EOGT: variants seen among roughly 807,000 people sequenced by gnomAD.
The protein encoded by EOGT is EGF domain specific O-linked N-acetylglucosamine transferase.
In EOGT, 55 loss-of-function variants were observed where a neutral mutation model predicts 70.5. The ratio of observed to expected loss-of-function variants is 0.78; its 90% CI spans 0.63 to 0.98. The LOEUF is 0.98. Ranked by LOEUF, EOGT falls within the 50% of genes least tolerant of loss-of-function variation. The pLI is 0.00. For missense variants in EOGT, 703 were observed against 641.9 expected (o/e 1.10, Z -1.03); for synonymous variants, 246 against 217.1 (o/e 1.13, Z -1.17).
chr3:69,011,193 C>CTTTTTTTTTTTTTTTTTTTTTTT (rs57904466), intron 3 of EOGT, among the ~76,000 whole-genome samples: 2 of 113,298 alleles, frequency 1.8e-5, no homozygotes, highest in Non-Finnish European at 1.7e-5. Context: ...GATCTTTGTT[C>CTTTTTTTTTTTTTTTTTTTTTTT]TTTTTTTTTT....
chr3:68,993,785 T>C (rs760619487), intron 10 of EOGT, among the ~76,000 whole-genome samples: 1 of 152,076 alleles, frequency 6.6e-6, no homozygotes, highest in Non-Finnish European at 1.5e-5. Context: ...CTCAGAATCA[T>C]AGTGGGAGGT....
At chr3:69,011,735 C>T (rs2091584104) in intron 3 of EOGT, among the ~76,000 whole-genome samples, 2 of 152,206 alleles carry the variant, frequency 1.3e-5, no homozygotes, top group Admixed American at 1.3e-4. Flanking sequence ...CCATTTTCCC[C>T]CCTTGGAGTA....
intron 12 of EOGT, 23 bp downstream of exon 12, chr3:68,988,483 C>T (rs768537662): frequency 2.8e-5 from 42 of 1,511,916 alleles, no homozygotes; most frequent in South Asian, 6.0e-5. Flanking sequence ...AATATGAATG[C>T]TAATGGTAGA....
At chr3:69,009,933 C>CAACAAAAAAAAAAAAAAAAAAAAAAAAAA in intron 3 of EOGT, 73 bp from the exon 4 acceptor site, 1 of 255,196 alleles carries the variant, frequency 3.9e-6, no homozygotes, top group South Asian at 4.7e-5. Flanking sequence ...ACAACAACAA[C>CAACAAAAAAAAAAAAAAAAAAAAAAAAAA]AAAAAAAAAA....
At chr3:68,993,799 G>A (rs1004990274) in intron 10 of EOGT, among the ~76,000 whole-genome samples, 2 of 152,164 alleles carry the variant, frequency 1.3e-5, no homozygotes, top group Non-Finnish European at 2.9e-5. Flanking sequence ...GGGAGGTAAA[G>A]GCACTTCTTA....
chr3:68,993,762 T>C (rs1407179179), intron 10 of EOGT, among the ~76,000 whole-genome samples: 1 of 152,108 alleles, frequency 6.6e-6, no homozygotes, highest in African/African-American at 2.4e-5. Flanking sequence ...CAGTTCCACA[T>C]GGCTGGGGAG....
intron 11 of EOGT, 50 bp from the exon 12 acceptor site, chr3:68,988,627 CA>C: frequency 1.8e-6 from 2 of 1,093,700 alleles, no homozygotes; most frequent in Non-Finnish European, 2.6e-6. Flanking sequence ...CCCTTCACAC[CA>C]AAAATAGCAC....
In EOGT at chr3:68,976,518, CAT is replaced by C. The variant is rs1484552689; in HGVS notation, c.*1098_*1099del. 6.6e-6 allele frequency: 1 copy of C among 152,086 alleles called. No individual in the cohort carries two copies. Among genetic ancestry groups the C allele is most frequent in the African/African-American group, 2.4e-5 (1 of 41,392 alleles). 9.4% of individuals were successfully genotyped at this position (152,086 alleles called of 1,614,324 possible). On this transcript the variant is annotated 3_prime_UTR_variant, in exon 18 of 18. Transcript: ENST00000383701. Reference sequence around the variant, plus strand: ...AGGAAAACATGATTTAAATATGAAACATGTAATATAAATTAATATAGTGGCAT... The same window carrying C: ...AGGAAAACATGATTTAAATATGAAACGTAATATAAATTAATATAGTGGCAT...
intron 13 of EOGT, chr3:68,987,873 T>C (rs970737888): frequency 3.0e-6 from 1 of 337,338 alleles, no homozygotes; most frequent in African/African-American, 2.1e-5. Flanking sequence ...TTCTCTTTTA[T>C]AGGTTTTTGA....
rs1304987955 is a variant in EOGT, at chr3:69,011,956, C to T, written c.-35G>A. 6.6e-6 allele frequency: 1 copy of T among 152,160 alleles called. No individual in the cohort carries two copies. Among genetic ancestry groups the T allele is most frequent in the Non-Finnish European group, 1.5e-5 (1 of 68,046 alleles). The allele number at this position is 152,160 out of a possible 1,614,324, so 9.4% of individuals were successfully genotyped here. A position where few individuals can be genotyped will look rare whatever the true frequency, so the allele number is the denominator to read the frequency against. ...TATACCTCTTGAATCTTCAGAACCACTCAGAAGCTTCTGTGATGTTTCAGG... is the reference window on the plus strand; with the variant it reads ...TATACCTCTTGAATCTTCAGAACCATTCAGAAGCTTCTGTGATGTTTCAGG... On this transcript the variant is annotated 5_prime_UTR_variant, in exon 3 of 18. The change creates a new upstream start codon in the 5' untranslated region. Coordinates refer to ENST00000383701, the MANE Select transcript of EOGT (RefSeq NM_001278689.2).
chr3:68,982,269 C>T (rs935872443), intron 15 of EOGT, among the ~76,000 whole-genome samples: 2 of 152,084 alleles, frequency 1.3e-5, no homozygotes, highest in Non-Finnish European at 2.9e-5. Context: ...CCTTTAATTG[C>T]AGCACTTTGG....
In EOGT at chr3:69,012,768, C is replaced by G. The variant is rs1156790084; in HGVS notation, c.-324G>C. On this transcript the variant is annotated 5_prime_UTR_variant, in exon 2 of 18. Coordinates refer to ENST00000383701, the MANE Select transcript of EOGT (RefSeq NM_001278689.2). Reference sequence around the variant, plus strand: ...GCTCAAAGCAGCTGGAATCACTCCACTCCAGAAACCCTTGATTCGATTTCC... The same window carrying G: ...GCTCAAAGCAGCTGGAATCACTCCAGTCCAGAAACCCTTGATTCGATTTCC... 6.6e-6 allele frequency: 1 copy of G among 152,200 alleles called. No individual in the cohort carries two copies. The highest frequency in any genetic ancestry group is 2.4e-5 in the African/African-American group (1 of 41,436). The allele number at this position is 152,200 out of a possible 1,614,324, so 9.4% of individuals were successfully genotyped here.
chr3:69,005,113 A>T, intron 7 of EOGT, 27 bp downstream of exon 7: 1 of 1,179,634 alleles, frequency 8.5e-7, no homozygotes, highest in Non-Finnish European at 1.2e-6. Flanking sequence ...AATTTATACT[A>T]GATGTTAACA....
rs568276130 is a variant in EOGT at position 68,975,835 on chromosome 3, C to T, written c.*1783G>A. Reference sequence around the variant, plus strand: ...ATCCTTTAAAGTGGGGGTCAGCAAACGTCTTCTGTAAAGGTCCAGATATTT... The same window carrying T: ...ATCCTTTAAAGTGGGGGTCAGCAAATGTCTTCTGTAAAGGTCCAGATATTT... On this transcript the variant is annotated 3_prime_UTR_variant, in exon 18 of 18. Transcript: ENST00000383701. The T allele has an allele frequency of 6.6e-6, 1 of 152,106 alleles. No homozygotes were observed. 9.4% of individuals were successfully genotyped at this position (152,106 alleles called of 1,614,324 possible).
At chr3:69,006,942 T>C (rs368945162) in intron 6 of EOGT, among the ~76,000 whole-genome samples, 51 of 152,356 alleles carry the variant, frequency 3.3e-4, no homozygotes, top group African/African-American at 1.2e-3. Context: ...ATCAGTAGTA[T>C]CTGCTATAAC....
At chr3:69,011,579 G>A (rs1443551692) in intron 3 of EOGT, among the ~76,000 whole-genome samples, 6 of 138,936 alleles carry the variant, frequency 4.3e-5, no homozygotes, top group Admixed American at 2.3e-4. Context: ...TGGGTAATGC[G>A]AGGGAGACTC....
intron 6 of EOGT, 39 bp from the exon 7 acceptor site, chr3:69,005,273 T>A: frequency 2.5e-6 from 3 of 1,201,416 alleles, no homozygotes; most frequent in Non-Finnish European, 3.7e-6. Context: ...CTCTGAGTAT[T>A]AACACAGCAA....
rs566557939 is a variant in EOGT, at chr3:68,992,224, T to A, written c.832-3207A>T. 6.7e-4 allele frequency among the ~76,000 whole-genome samples: 102 copies of A among 152,224 alleles called. 3 individuals are homozygous for A. The South Asian group carries it at 0.021, about 31-fold the overall frequency. On this transcript the variant is annotated intron_variant, in intron 10 of 17. Coordinates refer to ENST00000383701, the MANE Select transcript of EOGT (RefSeq NM_001278689.2). ...CAAAAGTCCACAGTCCAAAGTCTCA[T>A]CTGAGACAAGGCAAGTCCCTTCCAC... is the stretch of plus-strand genomic sequence containing the variant.
intron 9 of EOGT, among the ~76,000 whole-genome samples, chr3:69,000,264 G>T (rs2091261707): frequency 2.0e-5 from 3 of 151,966 alleles, no homozygotes; most frequent in African/African-American, 7.2e-5. Flanking sequence ...GCATAAATTA[G>T]AAGAAAAAAG....
Sources: allele counts gnomAD v4.1 joint callset (sites outside exome capture counted in the v4.1 genomes callset), GRCh38; gene constraint gnomAD v4.1.1; transcripts MANE v1.5; gene names NCBI Gene and HGNC (gene_info 2026-07-23, HGNC 2026-07-21).